GMEB1: variants seen among roughly 807,000 people sequenced by gnomAD.
GMEB1 encodes glucocorticoid modulatory element binding protein 1, also known as glucocorticoid modulatory element-binding protein 1.
In GMEB1, 6 loss-of-function variants were observed where a neutral mutation model predicts 52.4. The observed-to-expected ratio is 0.11, with a 90% CI of 0.06 to 0.23. The LOEUF (loss-of-function observed/expected upper bound fraction) is 0.23, where lower values mean the gene tolerates loss of function less well. Ranked by LOEUF, GMEB1 falls within the 10% of genes least tolerant of loss-of-function variation. The probability of loss-of-function intolerance (pLI) is 1.00; values close to 1 mark genes in which losing one functional copy is unlikely to be tolerated. For synonymous variants in GMEB1, 255 were observed against 244.9 expected, an observed-to-expected ratio of 1.04 and a Z score of -0.38; for missense variants, 486 against 685.6, an observed-to-expected ratio of 0.71 and a Z score of 3.25.
At chr1:28,694,365 A>ATT (rs35634822) in intron 5 of GMEB1, among the ~76,000 whole-genome samples, 26 of 146,736 alleles carry the variant, frequency 1.8e-4, no homozygotes, top group African/African-American at 4.3e-4. Context: ...TAATTTTTGT[A>ATT]TTTTTTTTTT....
chr1:28,687,380 AC>A (rs1198539621), intron 2 of GMEB1, among the ~76,000 whole-genome samples: 3,734 of 124,800 alleles, frequency 0.03, 778 homozygotes, highest in Middle Eastern at 0.051. Flanking sequence ...ACACACACAC[AC>A]ACACACAAAA....
intron 8 of GMEB1, among the ~76,000 whole-genome samples, chr1:28,709,463 A>C (rs937846618): frequency 3.3e-5 from 5 of 152,176 alleles, no homozygotes; most frequent in Non-Finnish European, 7.3e-5. Context: ...TGACTTACCA[A>C]AGGTTGCACA....
intron 7 of GMEB1, among the ~76,000 whole-genome samples, chr1:28,703,169 C>A (rs1336590055): frequency 1.3e-5 from 2 of 152,132 alleles, no homozygotes; most frequent in Non-Finnish European, 2.9e-5. Context: ...AACTTTGGCA[C>A]ATTTCTTAGA....
intron 8 of GMEB1, among the ~76,000 whole-genome samples, chr1:28,708,788 G>T (rs935386858): frequency 1.3e-5 from 2 of 151,994 alleles, no homozygotes; most frequent in African/African-American, 4.8e-5. Flanking sequence ...TTGAGGTCAG[G>T]AGTTCGAGAT....
At chr1:28,706,977 GTTTTTTTTT>G (rs1237383046) in intron 8 of GMEB1, among the ~76,000 whole-genome samples, 1 of 82,748 alleles carries the variant, frequency 1.2e-5, no homozygotes, top group Non-Finnish European at 2.2e-5. Flanking sequence ...TCCAGATTTG[GTTTTTTTTT>G]TTTTTTTTTT....
At chr1:28,682,327 G>C (rs1016986835) in intron 1 of GMEB1, among the ~76,000 whole-genome samples, 2 of 151,830 alleles carry the variant, frequency 1.3e-5, no homozygotes, top group Non-Finnish European at 2.9e-5. Flanking sequence ...GAGGCAAAGA[G>C]TTATTAAGAA....
At chr1:28,671,049 T>C (rs1668862474) in intron 1 of GMEB1, among the ~76,000 whole-genome samples, 1 of 152,156 alleles carries the variant, frequency 6.6e-6, no homozygotes, top group South Asian at 2.1e-4. Context: ...CTCCAGTCTG[T>C]GACTTAGAAT....
Position 28,714,233 on chromosome 1 carries a change from T to C in GMEB1, c.1152T>C (p.Ser384=). 1 of 1,614,066 alleles carries C rather than the reference T, an allele frequency of 6.2e-7. No homozygotes were observed. The highest frequency in any genetic ancestry group is 8.5e-7 in the Non-Finnish European group (1 of 1,179,982). Reference sequence around the variant, plus strand: ...CCTCCACCACTGTCTTGAGCCCTTCTCCTCCTGTCCAGCAGCCTCAGTTCA... The same window carrying C: ...CCTCCACCACTGTCTTGAGCCCTTCCCCTCCTGTCCAGCAGCCTCAGTTCA... ...RPASTTVLSP[S]PPVQQPQFTV... The change falls in exon 10 of 10, where the codon TCT becomes TCC. Residue 384 remains serine, a synonymous_variant. Coordinates refer to ENST00000373816, the MANE Select transcript of GMEB1 (RefSeq NM_001319674.2).
chr1:28,684,711 G>A (rs143170725), intron 2 of GMEB1, among the ~76,000 whole-genome samples: 12 of 152,220 alleles, frequency 7.9e-5, no homozygotes, highest in African/African-American at 2.6e-4. Context: ...GACACAGGGA[G>A]GGGAACAACA....
intron 5 of GMEB1, among the ~76,000 whole-genome samples, chr1:28,694,961 C>CTT (rs556692778): frequency 6.0e-4 from 63 of 105,482 alleles, no homozygotes; most frequent in Admixed American, 8.7e-4. Flanking sequence ...CGTGGCCAGC[C>CTT]TTTTTTTTTT....
chr1:28,699,835 G>A (rs971260570), intron 6 of GMEB1, among the ~76,000 whole-genome samples: 1 of 151,592 alleles, frequency 6.6e-6, no homozygotes, highest in Non-Finnish European at 1.5e-5. Context: ...AGCACTCTGG[G>A]AAGCTGAGGC....
chr1:28,684,324 G>A (rs1343930769), intron 2 of GMEB1, among the ~76,000 whole-genome samples: 1 of 152,008 alleles, frequency 6.6e-6, no homozygotes, highest in Non-Finnish European at 1.5e-5. Flanking sequence ...AGCACTTTGG[G>A]AGGCCGAGGC....
At chr1:28,700,048 G>T (rs1016384005) in intron 6 of GMEB1, among the ~76,000 whole-genome samples, 2 of 129,162 alleles carry the variant, frequency 1.5e-5, no homozygotes, top group Admixed American at 1.8e-4. Context: ...AGGAGCGAGA[G>T]ACCCTGTCTC....
intron 1 of GMEB1, among the ~76,000 whole-genome samples, chr1:28,678,779 G>A (rs1222477553): frequency 2.0e-5 from 3 of 152,020 alleles, no homozygotes; most frequent in African/African-American, 7.2e-5. Context: ...TAGAGACAGA[G>A]TCTCACCATG....
intron 8 of GMEB1, among the ~76,000 whole-genome samples, chr1:28,704,720 G>T (rs1670666650): frequency 6.6e-6 from 1 of 151,550 alleles, no homozygotes; most frequent in Admixed American, 6.6e-5. Flanking sequence ...AATTCTCTCT[G>T]CCTCAGCCTC....
chr1:28,710,098 G>T (rs573260148), intron 8 of GMEB1, among the ~76,000 whole-genome samples: 4 of 152,166 alleles, frequency 2.6e-5, no homozygotes, highest in African/African-American at 9.6e-5. Context: ...AATGAGCTGA[G>T]ATCATGTTAC....
intron 1 of GMEB1, among the ~76,000 whole-genome samples, chr1:28,669,361 C>T (rs567013512): frequency 1.1e-3 from 163 of 152,090 alleles, no homozygotes; most frequent in African/African-American, 3.7e-3. Context: ...CTGGGTCCTG[C>T]CCAGTGGGAG....
rs754797198 is a variant in GMEB1 at position 28,697,077 on chromosome 1, G to A, written c.591G>A (p.Ser197=). 1.4e-5 allele frequency: 23 copies of A among 1,601,804 alleles called. No homozygotes were observed. The highest frequency in any genetic ancestry group is 8.9e-5 in the South Asian group (8 of 89,440). Residue 197 remains serine, a synonymous_variant, in exon 6 of 10, where the codon TCG becomes TCA. Coordinates refer to ENST00000373816, the MANE Select transcript of GMEB1 (RefSeq NM_001319674.2). Reference sequence around the variant, plus strand: ...CAAGTGTGGTGCAGACACCCACTTCGGCTGATGGTAGGGGGTAGGAAACCA... The same window carrying A: ...CAAGTGTGGTGCAGACACCCACTTCAGCTGATGGTAGGGGGTAGGAAACCA... ...QQTSVVQTPT[S]ADGSITQIAI... is the part of the protein sequence containing the mutation.
chr1:28,672,736 C>CTT lies in GMEB1; in HGVS notation c.-31+3915_-31+3916dup, dbSNP rs540343527. On this transcript the variant is annotated intron_variant, in intron 1 of 9. Transcript: ENST00000373816. ...CTCTGGCCTGGGTGACATATTGTTC[C>CTT]TTTTTTTTTTTTTTTTTTTGTTTTG... Among the ~76,000 whole-genome samples the CTT allele has an allele frequency of 9.1e-3, 1,085 of 119,720 alleles. 5 individuals are homozygous for CTT. Among genetic ancestry groups the CTT allele is most frequent in the East Asian group, 0.02 (79 of 3,902 alleles). 78.5% of individuals were successfully genotyped at this position (119,720 alleles called of 152,430 possible). A position where few individuals can be genotyped will look rare whatever the true frequency, so the allele number is the denominator to read the frequency against.
Sources: gnomAD v4.1 joint callset for allele counts (sites outside exome capture counted in the v4.1 genomes callset) on GRCh38, gnomAD v4.1.1 for gene constraint, MANE v1.5 for transcripts, NCBI Gene and HGNC (gene_info 2026-07-23, HGNC 2026-07-21) for gene names.